The following KIRREL3 variants were observed in gnomAD, a reference collection of about 807,000 sequenced individuals.
KIRREL3 encodes the protein kin of IRRE-like protein 3.
Under a neutral mutation model 89.7 loss-of-function variants are expected in KIRREL3, and 36 were observed. That is an observed-to-expected ratio of 0.40 (90% confidence interval 0.31 to 0.53). The LOEUF (loss-of-function observed/expected upper bound fraction) is 0.53, where lower values mean the gene tolerates loss of function less well. Ranked by LOEUF, KIRREL3 falls within the 20% of genes least tolerant of loss-of-function variation. The pLI, the probability that KIRREL3 is intolerant of heterozygous loss-of-function variation, is 0.49. For missense variants in KIRREL3, 864 were observed against 1,056.6 expected, an observed-to-expected ratio of 0.82 and a Z score of 2.53; for synonymous variants, 445 against 441.4, an observed-to-expected ratio of 1.01 and a Z score of -0.10.
chr11:126,932,340 T>C (rs1427881244), intron 1 of KIRREL3, among the ~76,000 whole-genome samples: 2 of 152,162 alleles, frequency 1.3e-5, no homozygotes, highest in Admixed American at 1.3e-4. Context: ...CATTAGTGTC[T>C]TTACGGAGGT....
Position 126,645,048 on chromosome 11 carries a change from G to A in KIRREL3, c.56-82136C>T, listed in dbSNP as rs565794717. Reference sequence around the variant, plus strand: ...AGGGGTTGGGGTTGAAGTGGGAGGAGCATTTCAGTCAATGGGAGAGTGGAT... The same window carrying A: ...AGGGGTTGGGGTTGAAGTGGGAGGAACATTTCAGTCAATGGGAGAGTGGAT... On this transcript the variant is annotated intron_variant, in intron 1 of 16. Transcript: ENST00000525144. This position sits in a 1 kb window ranked among gnomAD's most constrained non-coding sequence, Gnocchi z 4.9. 3.3e-5 allele frequency among the ~76,000 whole-genome samples: 5 copies of A among 152,272 alleles called. No individual in the cohort carries two copies. The South Asian group carries it at 8.3e-4, about 25-fold the overall frequency.
At chr11:126,453,384 C>T (rs773359659) in intron 7 of KIRREL3, among the ~76,000 whole-genome samples, 9 of 152,088 alleles carry the variant, frequency 5.9e-5, no homozygotes, top group Non-Finnish European at 1.2e-4. Flanking sequence ...ACCCAGGCCT[C>T]CTTTCCAGGC....
chr11:126,810,557 C>T lies in KIRREL3; in HGVS notation c.55+189898G>A, dbSNP rs551400886. On this transcript the variant is annotated intron_variant, in intron 1 of 16. Coordinates refer to ENST00000525144, the MANE Select transcript of KIRREL3 (RefSeq NM_032531.4). The stretch of plus-strand genomic sequence containing the variant: ...TAGGTTAAGTAGCTTGCAAACACCC[C>T]GTAAATGGGAGTATGGAACCGCAAG... Among the ~76,000 whole-genome samples the T allele has an allele frequency of 5.9e-5, 9 of 152,152 alleles. No individual in the cohort carries two copies. In the East Asian group the frequency reaches 1.5e-3, roughly 26 times the overall value.
At chr11:126,984,956 C>T (rs75828328) in intron 1 of KIRREL3, among the ~76,000 whole-genome samples, 2,259 of 152,222 alleles carry the variant, frequency 0.015, 49 homozygotes, top group African/African-American at 0.051. Context: ...TTTAGAGAGG[C>T]CACTTAAAAT....
Position 126,657,274 on chromosome 11 carries a change from A to AATC in KIRREL3, c.56-94363_56-94362insGAT, listed in dbSNP as rs1555170333. Among the ~76,000 whole-genome samples the AATC allele has an allele frequency of 9.2e-3, 1,269 of 138,092 alleles. 16 individuals carry two copies. Among genetic ancestry groups the AATC allele is most frequent in the Admixed American group, 0.013 (175 of 13,388 alleles). 90.6% of individuals were successfully genotyped at this position (138,092 alleles called of 152,430 possible). A position where few individuals can be genotyped will look rare whatever the true frequency, so the allele number is the denominator to read the frequency against. On this transcript the variant is annotated intron_variant, in intron 1 of 16. Transcript: ENST00000525144. The stretch of plus-strand genomic sequence containing the variant: ...TAAATAAATAAATAAATAAATAAAT[A>AATC]AATAAATCTTCATGGAATCTCAAGG...
rs79157832 is a variant in KIRREL3, at chr11:126,904,765, C to G, written c.55+95690G>C. On this transcript the variant is annotated intron_variant, in intron 1 of 16. Coordinates refer to ENST00000525144, the MANE Select transcript of KIRREL3 (RefSeq NM_032531.4). This position sits in a 1 kb window ranked among gnomAD's most constrained non-coding sequence, Gnocchi z 4.4. ...TAATCTTGTCTCGTCTATTTTTATC[C>G]TATGTTCACTCAATATTTGTAGCAT... is the stretch of plus-strand genomic sequence containing the variant. Among the ~76,000 whole-genome samples the G allele has an allele frequency of 1.2e-4, 18 of 152,218 alleles. No homozygotes were observed. The highest frequency in any genetic ancestry group is 1.3e-4 in the Non-Finnish European group (9 of 68,012).
intron 1 of KIRREL3, among the ~76,000 whole-genome samples, chr11:126,821,465 T>G (rs750310451): frequency 3.8e-4 from 58 of 151,612 alleles, no homozygotes; most frequent in Non-Finnish European, 1.5e-4. Context: ...GCATTTGATA[T>G]GTGTGACCTG....
intron 1 of KIRREL3, among the ~76,000 whole-genome samples, chr11:126,857,131 C>T (rs1944544409): frequency 1.3e-5 from 2 of 152,214 alleles, no homozygotes; most frequent in Non-Finnish European, 2.9e-5. Flanking sequence ...TTGCCTCCTC[C>T]ATACACTGAA....
intron 1 of KIRREL3, among the ~76,000 whole-genome samples, chr11:126,858,162 C>T (rs944803205): frequency 6.6e-6 from 1 of 152,192 alleles, no homozygotes; most frequent in Admixed American, 6.5e-5. Context: ...CATGTCATGG[C>T]AGCAGAATAC....
rs561535676 is a variant in KIRREL3 at position 126,705,036 on chromosome 11, T to C, written c.56-142124A>G. Among the ~76,000 whole-genome samples the C allele has an allele frequency of 6.6e-6, 1 of 152,214 alleles. No homozygotes were observed. Among genetic ancestry groups the C allele is most frequent in the African/African-American group, 2.4e-5 (1 of 41,456 alleles). Reference sequence around the variant, plus strand: ...ATTTGTGGGTGGTAAATTTATATCTTACCCACTGAATATAGCTTTTTATGG... The same window carrying C: ...ATTTGTGGGTGGTAAATTTATATCTCACCCACTGAATATAGCTTTTTATGG... On this transcript the variant is annotated intron_variant, in intron 1 of 16. Coordinates refer to ENST00000525144, the MANE Select transcript of KIRREL3 (RefSeq NM_032531.4). This position sits in a 1 kb window ranked among gnomAD's most constrained non-coding sequence, Gnocchi z 4.3.
At chr11:126,731,375 T>C (rs1354854455) in intron 1 of KIRREL3, among the ~76,000 whole-genome samples, 5 of 152,208 alleles carry the variant, frequency 3.3e-5, no homozygotes, top group African/African-American at 7.2e-5. Flanking sequence ...ACTGTTTGCA[T>C]TGGGTCAGAG....
rs886946645 is a variant in KIRREL3 at position 126,564,865 on chromosome 11, C to T, written c.56-1953G>A. Among the ~76,000 whole-genome samples, 1 of 152,236 alleles carries T rather than the reference C, an allele frequency of 6.6e-6. No individual in the cohort carries two copies. Among genetic ancestry groups the T allele is most frequent in the Non-Finnish European group, 1.5e-5 (1 of 68,052 alleles). ...CCTCTCGAGGGAGACTGTATTGAAACCTCAACACGCTGACGACAGGCAGAG... is the reference window on the plus strand; with the variant it reads ...CCTCTCGAGGGAGACTGTATTGAAATCTCAACACGCTGACGACAGGCAGAG... On this transcript the variant is annotated intron_variant, in intron 1 of 16. Transcript: ENST00000525144. The surrounding 1 kb of genome is among the most constrained non-coding windows in gnomAD (Gnocchi z 7.4).
intron 1 of KIRREL3, among the ~76,000 whole-genome samples, chr11:126,853,289 A>T (rs1944400741): frequency 1.3e-5 from 2 of 152,242 alleles, no homozygotes; most frequent in Non-Finnish European, 2.9e-5. Flanking sequence ...GTATTTTGGC[A>T]TATAGGAAAC....
At position 126,462,615 on chromosome 11, in the gene KIRREL3, G is replaced by A. The variant is rs1591580519; in HGVS notation, c.742+542C>T. Among the ~76,000 whole-genome samples the A allele has an allele frequency of 6.6e-6, 1 of 152,158 alleles. No individual in the cohort carries two copies. Among genetic ancestry groups the A allele is most frequent in the East Asian group, 1.9e-4 (1 of 5,184 alleles). ...TGGGCAGCAGAGGTTGCAGTGAGCC[G>A]AGATTGCGTCATTACACTCCAGCCT... is the stretch of plus-strand genomic sequence containing the variant. On this transcript the variant is annotated intron_variant, in intron 6 of 16. Transcript: ENST00000525144. This position sits in a 1 kb window ranked among gnomAD's most constrained non-coding sequence, Gnocchi z 4.8.
chr11:126,473,586 G>T, intron 4 of KIRREL3, 120 bp from the exon 5 acceptor site: 1 of 805,850 alleles, frequency 1.2e-6, no homozygotes, highest in Non-Finnish European at 1.9e-6. Flanking sequence ...TTAATAAAAC[G>T]CATCGTCCGC....
intron 1 of KIRREL3, among the ~76,000 whole-genome samples, chr11:126,819,365 T>C (rs1390605737): frequency 6.6e-6 from 1 of 152,206 alleles, no homozygotes; most frequent in Non-Finnish European, 1.5e-5. Context: ...AGCAACTACC[T>C]GACATCACTC....
intron 1 of KIRREL3, among the ~76,000 whole-genome samples, chr11:126,813,497 G>A (rs1281359332): frequency 6.6e-6 from 1 of 152,134 alleles, no homozygotes; most frequent in African/African-American, 2.4e-5. Context: ...ATATTACCTT[G>A]AGATTTTGTC....
At chr11:126,921,125 G>A (rs529635625) in intron 1 of KIRREL3, among the ~76,000 whole-genome samples, 3 of 152,192 alleles carry the variant, frequency 2.0e-5, no homozygotes, top group Non-Finnish European at 4.4e-5. Flanking sequence ...CTGGAGGTGG[G>A]GCACCCTTCT....
chr11:126,603,094 C>T (rs1942734693), intron 1 of KIRREL3, among the ~76,000 whole-genome samples: 1 of 152,100 alleles, frequency 6.6e-6, no homozygotes, highest in Admixed American at 6.5e-5. Context: ...TGCCACACTC[C>T]AAAAAAGAAT....
Sources: gnomAD v4.1 joint callset for allele counts (sites outside exome capture counted in the v4.1 genomes callset) on GRCh38, gnomAD v4.1.1 for gene constraint, Gnocchi (gnomAD v3.1) non-coding constraint, MANE v1.5 for transcripts, NCBI Gene and HGNC (gene_info 2026-07-23, HGNC 2026-07-21) for gene names.